Variants in KLHL1 observed in about 807,000 individuals in gnomAD.
The protein encoded by KLHL1 is kelch like family member 1.
Under a neutral mutation model 77.7 loss-of-function variants are expected in KLHL1, and 47 were observed. The ratio of observed to expected loss-of-function variants is 0.60; its 90% CI spans 0.48 to 0.77. KLHL1 has a LOEUF of 0.77. Among genes scored for constraint, KLHL1 ranks in the 30% least tolerant of loss-of-function variants. KLHL1 has a pLI of 0.00. For synonymous variants in KLHL1, 360 were observed against 325.2 expected (o/e 1.11, Z -1.15); for missense variants, 925 against 910.8 (o/e 1.02, Z -0.20).
chr13:70,048,548 C>T lies in KLHL1; in HGVS notation c.497+58655G>A, dbSNP rs1488593853. On this transcript the variant is annotated intron_variant, in intron 1 of 10. Coordinates refer to ENST00000377844, the MANE Select transcript of KLHL1 (RefSeq NM_020866.3). ...ACTTTTTGACAACAGGGACCAGTTT[C>T]GTGGAAAGCAATTTTTCCACAGATG... Among the ~76,000 whole-genome samples, 5 of 152,258 alleles carry T rather than the reference C, an allele frequency of 3.3e-5. No homozygotes were observed. In the South Asian group the frequency reaches 6.2e-4, roughly 19 times the overall value.
At chr13:70,046,768 C>G (rs919575317) in intron 1 of KLHL1, among the ~76,000 whole-genome samples, 1 of 152,110 alleles carries the variant, frequency 6.6e-6, no homozygotes, top group African/African-American at 2.4e-5. Context: ...CCCGCCTCGG[C>G]CTTCCAAAGT....
intron 1 of KLHL1, among the ~76,000 whole-genome samples, chr13:69,987,019 AT>A: frequency 1.3e-5 from 2 of 151,924 alleles, no homozygotes; most frequent in Non-Finnish European, 2.9e-5. Context: ...AAGATAAAAT[AT>A]ATGTTTATAC....
At position 69,719,384 on chromosome 13, in the gene KLHL1, A is replaced by G; in HGVS notation, c.2000T>C (p.Leu667Pro). 1 of 1,613,424 alleles carries G rather than the reference A, an allele frequency of 6.2e-7. No homozygotes were observed. The highest frequency in any genetic ancestry group is 8.5e-7 in the Non-Finnish European group (1 of 1,179,590). ...GGGGTCTTACCTTTCTACATAATCC[A>G]GTAGCCGGGAACAGTGATTTGAAGC... ...APASNHCSRLLDYVERYDPKT... is the reference protein window; with the variant it reads ...APASNHCSRLPDYVERYDPKT... The change falls in exon 9 of 11, where the codon CTG becomes CCG. Residue 667 changes from leucine to proline, a missense_variant. Transcript: ENST00000377844.
At chr13:69,957,031 T>C (rs1287021575) in intron 3 of KLHL1, among the ~76,000 whole-genome samples, 1 of 151,658 alleles carries the variant, frequency 6.6e-6, no homozygotes, top group African/African-American at 2.4e-5. Context: ...CTCATGCTTC[T>C]GAGGATGACG....
intron 6 of KLHL1, among the ~76,000 whole-genome samples, chr13:69,814,568 T>C (rs549303926): frequency 6.6e-6 from 1 of 152,034 alleles, no homozygotes; most frequent in Non-Finnish European, 1.5e-5. Flanking sequence ...AGTTAAAAAG[T>C]GGGCAAAGGA....
chr13:69,808,076 A>G (rs67848439), intron 6 of KLHL1, among the ~76,000 whole-genome samples: 56,754 of 151,908 alleles, frequency 0.37, 10,982 homozygotes, highest in African/African-American at 0.46. Flanking sequence ...AACACCAGCT[A>G]CTGAAGGCAA....
At chr13:69,850,995 G>A (rs1390024363) in intron 5 of KLHL1, among the ~76,000 whole-genome samples, 1 of 151,528 alleles carries the variant, frequency 6.6e-6, no homozygotes, top group African/African-American at 2.4e-5. Flanking sequence ...CTATAAACAA[G>A]TCTCCACTGG....
chr13:70,031,810 A>C (rs1886109079), intron 1 of KLHL1, among the ~76,000 whole-genome samples: 1 of 152,188 alleles, frequency 6.6e-6, no homozygotes, highest in Admixed American at 6.5e-5. Context: ...GGAAATGCAA[A>C]ATATAAAACA....
intron 6 of KLHL1, among the ~76,000 whole-genome samples, chr13:69,838,674 C>G (rs1218266769): frequency 6.6e-6 from 1 of 151,746 alleles, no homozygotes; most frequent in African/African-American, 2.4e-5. Flanking sequence ...CATTTCTTGG[C>G]ATTGAAATAG....
chr13:69,873,791 G>T (rs1386343227), intron 5 of KLHL1, among the ~76,000 whole-genome samples: 1 of 152,122 alleles, frequency 6.6e-6, no homozygotes, highest in Non-Finnish European at 1.5e-5. Context: ...AGCTAAACTT[G>T]CTAAGACCAA....
At position 69,803,341 on chromosome 13, in the gene KLHL1, C is replaced by T. The variant is rs533513168; in HGVS notation, c.1415-6379G>A. On this transcript the variant is annotated intron_variant, in intron 6 of 10. Transcript: ENST00000377844. ...CAGAAAACTTTAATTACTTGCACAG[C>T]ATCTCTCAGTTAACACCTGGTACAT... is the stretch of plus-strand genomic sequence containing the variant. 6.6e-5 allele frequency among the ~76,000 whole-genome samples: 10 copies of T among 152,262 alleles called. No individual in the cohort carries two copies. The South Asian group carries it at 1.0e-3, about 16-fold the overall frequency.
intron 5 of KLHL1, among the ~76,000 whole-genome samples, chr13:69,863,472 G>T (rs1017327357): frequency 7.8e-6 from 1 of 128,514 alleles, no homozygotes. Flanking sequence ...ATTCTGAATA[G>T]AGTGTATATG....
intron 1 of KLHL1, among the ~76,000 whole-genome samples, chr13:70,085,126 T>G (rs529031568): frequency 1.3e-5 from 2 of 152,250 alleles, no homozygotes; most frequent in South Asian, 4.1e-4. Flanking sequence ...TATATGTATG[T>G]GCATGTATGT....
At chr13:69,838,722 T>G (rs981396117) in intron 6 of KLHL1, among the ~76,000 whole-genome samples, 1 of 151,906 alleles carries the variant, frequency 6.6e-6, no homozygotes, top group Non-Finnish European at 1.5e-5. Flanking sequence ...TGGCTTGTGT[T>G]AAGTGATTCA....
chr13:69,832,703 A>T (rs1389635448), intron 6 of KLHL1, among the ~76,000 whole-genome samples: 2 of 152,088 alleles, frequency 1.3e-5, no homozygotes, highest in African/African-American at 4.8e-5. Context: ...CCAACTTCAA[A>T]CTGTACAATA....
chr13:70,025,187 A>G (rs1885910078), intron 1 of KLHL1, among the ~76,000 whole-genome samples: 1 of 151,986 alleles, frequency 6.6e-6, no homozygotes, highest in African/African-American at 2.4e-5. Context: ...ATTTTCCTAA[A>G]TTTGGTCCAG....
intron 5 of KLHL1, among the ~76,000 whole-genome samples, chr13:69,846,685 T>C (rs1287867028): frequency 4.6e-5 from 7 of 151,378 alleles, no homozygotes; most frequent in African/African-American, 1.7e-4. Context: ...TTTGTTACTA[T>C]AATACACCAT....
At chr13:70,039,418 T>A (rs2137377258) in intron 1 of KLHL1, among the ~76,000 whole-genome samples, 1 of 152,282 alleles carries the variant, frequency 6.6e-6, no homozygotes, top group Non-Finnish European at 1.5e-5. Context: ...TTTTTGTTTA[T>A]GATTGAGTTT....
intron 7 of KLHL1, among the ~76,000 whole-genome samples, chr13:69,778,792 CT>C (rs1172258314): frequency 0.057 from 5,615 of 99,178 alleles, 55 homozygotes; most frequent in African/African-American, 0.12. Context: ...TATTCCCTCT[CT>C]TTTTTTTTTT....
Sources: allele counts gnomAD v4.1 joint callset (sites outside exome capture counted in the v4.1 genomes callset), GRCh38; gene constraint gnomAD v4.1.1; transcripts MANE v1.5; gene names NCBI Gene and HGNC (gene_info 2026-07-23, HGNC 2026-07-21).